NR3C2: variants seen among roughly 807,000 people sequenced by gnomAD.
NR3C2 encodes nuclear receptor subfamily 3 group C member 2, also known as mineralocorticoid receptor.
In NR3C2, 15 loss-of-function variants were observed where a neutral mutation model predicts 86.4. The observed-to-expected ratio is 0.17, with a 90% confidence interval of 0.12 to 0.27. The LOEUF (loss-of-function observed/expected upper bound fraction) is 0.27. NR3C2 is among the 10% of genes least tolerant of loss of function. The pLI, the probability that NR3C2 is intolerant of heterozygous loss-of-function variation, is 1.00. For missense variants in NR3C2, 960 were observed against 1,195.6 expected (o/e 0.80, Z 2.91); for synonymous variants, 458 against 450.5 (o/e 1.02, Z -0.21).
intron 6 of NR3C2, among the ~76,000 whole-genome samples, chr4:148,143,711 C>T (rs1403225863): frequency 3.3e-5 from 5 of 151,982 alleles, no homozygotes; most frequent in Non-Finnish European, 7.4e-5. Flanking sequence ...TTTGGGAGGC[C>T]GAGGCGGGTG....
intron 2 of NR3C2, among the ~76,000 whole-genome samples, chr4:148,296,190 T>G (rs1048493757): frequency 5.3e-5 from 8 of 152,110 alleles, no homozygotes; most frequent in Non-Finnish European, 1.2e-4. Context: ...TTAATGTCTA[T>G]CATTTTAAAA....
intron 4 of NR3C2, among the ~76,000 whole-genome samples, chr4:148,178,140 C>T (rs901927314): frequency 6.6e-6 from 1 of 152,032 alleles, no homozygotes; most frequent in Non-Finnish European, 1.5e-5. Flanking sequence ...GAGTTAGACA[C>T]CAGTCTGGCA....
intron 2 of NR3C2, among the ~76,000 whole-genome samples, chr4:148,333,794 C>T (rs975044975): frequency 6.6e-6 from 1 of 152,168 alleles, no homozygotes; most frequent in African/African-American, 2.4e-5. Flanking sequence ...GTCTAGGACC[C>T]TGCCCGCTGG....
intron 2 of NR3C2, among the ~76,000 whole-genome samples, chr4:148,363,515 T>TTTTTTC (rs1428010073): frequency 7.1e-6 from 1 of 140,728 alleles, no homozygotes; most frequent in Non-Finnish European, 1.6e-5. Flanking sequence ...TCTTTTTTTT[T>TTTTTTC]TTTTTTGAGA....
intron 2 of NR3C2, among the ~76,000 whole-genome samples, chr4:148,432,700 TA>T (rs1470012421): frequency 1.3e-5 from 2 of 152,186 alleles, no homozygotes; most frequent in Non-Finnish European, 2.9e-5. Flanking sequence ...CATCATATTT[TA>T]AGAAATAGGC....
chr4:148,195,795 G>C (rs1445484534), intron 3 of NR3C2, among the ~76,000 whole-genome samples: 3 of 152,110 alleles, frequency 2.0e-5, no homozygotes, highest in Non-Finnish European at 2.9e-5. Flanking sequence ...AGGAACAGCA[G>C]GGACACCAGG....
chr4:148,376,635 T>C (rs1255555563), intron 2 of NR3C2, among the ~76,000 whole-genome samples: 1 of 152,222 alleles, frequency 6.6e-6, no homozygotes, highest in Admixed American at 6.5e-5. Flanking sequence ...AACTTTAGAA[T>C]TTCAAAAGCT....
chr4:148,351,401 C>T (rs1183088898), intron 2 of NR3C2, among the ~76,000 whole-genome samples: 3 of 152,196 alleles, frequency 2.0e-5, no homozygotes. Context: ...CCTAGGCCTC[C>T]CAAAGTGCTG....
chr4:148,105,518 T>A (rs1731754833), intron 8 of NR3C2, among the ~76,000 whole-genome samples: 1 of 152,182 alleles, frequency 6.6e-6, no homozygotes, highest in Non-Finnish European at 1.5e-5. Flanking sequence ...CCTCTGTAAC[T>A]CATTTTTATG....
chr4:148,132,384 C>T (rs1713442736), intron 6 of NR3C2, among the ~76,000 whole-genome samples: 1 of 152,092 alleles, frequency 6.6e-6, no homozygotes, highest in Non-Finnish European at 1.5e-5. Flanking sequence ...TGTGTCTAGA[C>T]ACCACACACT....
chr4:148,266,083 T>TC (rs1359474939), intron 2 of NR3C2, among the ~76,000 whole-genome samples: 3 of 150,354 alleles, frequency 2.0e-5, no homozygotes, highest in Non-Finnish European at 4.5e-5. Flanking sequence ...CGCTTTTTTT[T>TC]TTTTTTTTGA....
intron 4 of NR3C2, among the ~76,000 whole-genome samples, chr4:148,158,202 G>A (rs1734491760): frequency 1.3e-5 from 2 of 152,186 alleles, no homozygotes; most frequent in Admixed American, 1.3e-4. Flanking sequence ...CCGATGAATG[G>A]ATGAGTGAAC....
chr4:148,216,009 T>C (rs934299712), intron 3 of NR3C2, among the ~76,000 whole-genome samples: 2 of 152,016 alleles, frequency 1.3e-5, no homozygotes, highest in East Asian at 3.9e-4. Flanking sequence ...AGGATGGTCG[T>C]GATCTCCTGA....
At chr4:148,387,786 A>G (rs1196869351) in intron 2 of NR3C2, among the ~76,000 whole-genome samples, 1 of 152,226 alleles carries the variant, frequency 6.6e-6, no homozygotes, top group Non-Finnish European at 1.5e-5. Context: ...ATCATCCAAT[A>G]TATGAACTAG....
At chr4:148,105,418 C>G (rs747904698) in intron 8 of NR3C2, among the ~76,000 whole-genome samples, 1 of 152,144 alleles carries the variant, frequency 6.6e-6, no homozygotes, top group South Asian at 2.1e-4. Flanking sequence ...CAGGACTAGA[C>G]GGATTCACAG....
At chr4:148,203,034 T>C (rs1736808168) in intron 3 of NR3C2, among the ~76,000 whole-genome samples, 1 of 152,222 alleles carries the variant, frequency 6.6e-6, no homozygotes, top group South Asian at 2.1e-4. Flanking sequence ...ATGTGAAATG[T>C]TTTCTTTTTC....
chr4:148,081,853 T>C (rs1730578003), intron 8 of NR3C2, among the ~76,000 whole-genome samples: 1 of 152,220 alleles, frequency 6.6e-6, no homozygotes, highest in Non-Finnish European at 1.5e-5. Context: ...TATCTTTGTA[T>C]TGGTGAGGGG....
intron 2 of NR3C2, among the ~76,000 whole-genome samples, chr4:148,431,499 G>A (rs1749798792): frequency 6.6e-6 from 1 of 152,146 alleles, no homozygotes; most frequent in Non-Finnish European, 1.5e-5. Flanking sequence ...CAAGCAGACA[G>A]GGGAGTTCTA....
chr4:148,323,620 C>A (rs535151310), intron 2 of NR3C2, among the ~76,000 whole-genome samples: 1 of 152,066 alleles, frequency 6.6e-6, no homozygotes, highest in Middle Eastern at 3.2e-3. Flanking sequence ...GCGCAGTATT[C>A]GGGTGGGAGT....
Sources: allele counts gnomAD v4.1 joint callset (sites outside exome capture counted in the v4.1 genomes callset), GRCh38; gene constraint gnomAD v4.1.1; transcripts MANE v1.5; gene names NCBI Gene and HGNC (gene_info 2026-07-23, HGNC 2026-07-21).